Variants in LSAMP observed in about 807,000 individuals in gnomAD.
LSAMP encodes the protein limbic system associated membrane protein.
In LSAMP, 7 loss-of-function variants were observed where a neutral mutation model predicts 38.6. The observed-to-expected ratio is 0.18, with a 90% CI of 0.10 to 0.34. The LOEUF (loss-of-function observed/expected upper bound fraction) is 0.34, where lower values mean the gene tolerates loss of function less well. Ranked by LOEUF, LSAMP falls within the 10% of genes least tolerant of loss-of-function variation. The pLI, the probability that LSAMP is intolerant of heterozygous loss-of-function variation, is 1.00. For synonymous variants in LSAMP, 154 were observed against 166.8 expected (o/e 0.92, Z 0.59); for missense variants, 313 against 420.0 (o/e 0.75, Z 2.23).
intron 2 of LSAMP, among the ~76,000 whole-genome samples, chr3:116,059,796 C>T (rs996967331): frequency 3.3e-5 from 5 of 152,220 alleles, no homozygotes; most frequent in Admixed American, 2.0e-4. Context: ...TGAACGCTCT[C>T]TAATGAAATA....
At chr3:116,273,208 A>G (rs1047706692) in intron 1 of LSAMP, among the ~76,000 whole-genome samples, 5 of 151,986 alleles carry the variant, frequency 3.3e-5, no homozygotes, top group Non-Finnish European at 5.9e-5. Context: ...ACCTCATCTT[A>G]TCCTTGACTG....
intron 3 of LSAMP, among the ~76,000 whole-genome samples, chr3:115,998,086 C>T (rs1339253295): frequency 1.6e-5 from 2 of 127,914 alleles, no homozygotes; most frequent in African/African-American, 6.9e-5. Context: ...CAAAAAATGT[C>T]TCCAGCCATT....
chr3:116,235,981 A>C (rs914714223), intron 1 of LSAMP, among the ~76,000 whole-genome samples: 5 of 152,146 alleles, frequency 3.3e-5, no homozygotes, highest in African/African-American at 1.2e-4. Context: ...GGGACATTAC[A>C]GGTGCGGAAT....
intron 3 of LSAMP, among the ~76,000 whole-genome samples, chr3:115,998,273 A>T (rs1939885712): frequency 1.3e-5 from 2 of 151,982 alleles, no homozygotes; most frequent in African/African-American, 4.8e-5. Flanking sequence ...GGGGGTTTTA[A>T]CTGGGGTAAG....
At chr3:116,346,487 C>A (rs1271596925) in intron 1 of LSAMP, among the ~76,000 whole-genome samples, 1 of 151,998 alleles carries the variant, frequency 6.6e-6, no homozygotes, top group East Asian at 1.9e-4. Flanking sequence ...CACCACCACA[C>A]CTGGCTAATT....
At chr3:115,928,505 C>CA (rs1268623842) in intron 3 of LSAMP, among the ~76,000 whole-genome samples, 1 of 152,172 alleles carries the variant, frequency 6.6e-6, no homozygotes, top group Non-Finnish European at 1.5e-5. Flanking sequence ...ATGTGAGAAA[C>CA]AAAATAGCTT....
chr3:116,086,582 G>A, intron 1 of LSAMP, 26 bp from the exon 2 acceptor site: 1 of 1,561,590 alleles, frequency 6.4e-7, no homozygotes, highest in Non-Finnish European at 8.8e-7. Flanking sequence ...AACAATATTA[G>A]TGCCTTAACA....
chr3:116,042,090 A>G (rs1941187420), intron 2 of LSAMP, among the ~76,000 whole-genome samples: 2 of 152,182 alleles, frequency 1.3e-5, no homozygotes, highest in South Asian at 4.1e-4. Flanking sequence ...TAGGTGATGA[A>G]CAGGATCTTC....
In LSAMP at chr3:116,026,754, A is replaced by G. The variant is rs572859846; in HGVS notation, c.389-7114T>C. ...AATCTGTACTCCTCCCTCTATCCCC[A>G]TCCTTTGCCACATCCATGCCCTCCT... On this transcript the variant is annotated intron_variant, in intron 2 of 6. Transcript: ENST00000490035. 3.3e-5 allele frequency among the ~76,000 whole-genome samples: 5 copies of G among 152,178 alleles called. No homozygotes were observed. In the South Asian group the frequency reaches 1.0e-3, roughly 32 times the overall value.
Position 116,229,525 on chromosome 3 carries a change from A to C in LSAMP, c.156-142969T>G, listed in dbSNP as rs538606396. Among the ~76,000 whole-genome samples the C allele has an allele frequency of 7.9e-5, 12 of 152,258 alleles. 1 individual carries two copies. In the South Asian group the frequency reaches 2.3e-3, roughly 29 times the overall value. ...ACAGTTTTCCCACAGGAACACTTAT[A>C]ATTTGTGTTTAAGTTCACAGATAAG... is the stretch of plus-strand genomic sequence containing the variant. On this transcript the variant is annotated intron_variant, in intron 1 of 6. Coordinates refer to ENST00000490035, the MANE Select transcript of LSAMP (RefSeq NM_002338.5).
chr3:116,097,730 G>T (rs938563908), intron 1 of LSAMP, among the ~76,000 whole-genome samples: 2 of 151,816 alleles, frequency 1.3e-5, no homozygotes, highest in Admixed American at 1.3e-4. Flanking sequence ...AAGAGCAAAA[G>T]AAGTCTTTTT....
chr3:115,829,536 T>C (rs1011427646), intron 6 of LSAMP, among the ~76,000 whole-genome samples: 1 of 152,112 alleles, frequency 6.6e-6, no homozygotes, highest in Admixed American at 6.5e-5. Context: ...GAGACATATT[T>C]AAAAAGGGAA....
chr3:116,097,810 A>T (rs1420162594), intron 1 of LSAMP, among the ~76,000 whole-genome samples: 1 of 151,354 alleles, frequency 6.6e-6, no homozygotes, highest in Non-Finnish European at 1.5e-5. Context: ...ATCTCAGCCC[A>T]CTGCAACCTC....
intron 3 of LSAMP, among the ~76,000 whole-genome samples, chr3:115,992,643 T>C (rs891710855): frequency 5.3e-5 from 8 of 152,192 alleles, no homozygotes; most frequent in South Asian, 2.1e-4. Flanking sequence ...AATGCATTTA[T>C]TTTGTGTATT....
chr3:116,032,132 C>G (rs942979384), intron 2 of LSAMP, among the ~76,000 whole-genome samples: 32 of 151,900 alleles, frequency 2.1e-4, no homozygotes, highest in Admixed American at 2.0e-4. Flanking sequence ...TCCTTTTTAT[C>G]TTTGTTTGCC....
intron 1 of LSAMP, among the ~76,000 whole-genome samples, chr3:116,178,729 T>C (rs2107565577): frequency 6.6e-6 from 1 of 152,302 alleles, no homozygotes; most frequent in East Asian, 1.9e-4. Context: ...CTATTTCTCA[T>C]CTGGCTCTCT....
chr3:116,161,580 T>C (rs1709888035), intron 1 of LSAMP, among the ~76,000 whole-genome samples: 1 of 152,160 alleles, frequency 6.6e-6, no homozygotes, highest in African/African-American at 2.4e-5. Context: ...GAAATGGCTA[T>C]GTTGTAGGCT....
At chr3:115,831,096 T>C (rs1211525518) in intron 6 of LSAMP, among the ~76,000 whole-genome samples, 1 of 152,198 alleles carries the variant, frequency 6.6e-6, no homozygotes, top group Non-Finnish European at 1.5e-5. Flanking sequence ...AACCCAGCCA[T>C]GTGCAATGCA....
At chr3:116,012,161 T>C (rs1334273681) in intron 3 of LSAMP, among the ~76,000 whole-genome samples, 6 of 152,240 alleles carry the variant, frequency 3.9e-5, no homozygotes, top group African/African-American at 1.4e-4. Flanking sequence ...GCACTCACTG[T>C]GATGAATTTT....
Sources: allele counts gnomAD v4.1 joint callset (sites outside exome capture counted in the v4.1 genomes callset), GRCh38; gene constraint gnomAD v4.1.1; transcripts MANE v1.5; gene names NCBI Gene and HGNC (gene_info 2026-07-23, HGNC 2026-07-21).